STK32A: variants seen among roughly 807,000 people sequenced by gnomAD.
The protein encoded by STK32A is serine/threonine kinase 32A, also known as serine/threonine-protein kinase 32A.
Under a neutral mutation model 53.2 loss-of-function variants are expected in STK32A, and 41 were observed. That is an observed-to-expected ratio of 0.77 (90% CI 0.60 to 1.00). STK32A has a LOEUF of 1.00. Among genes scored for constraint, STK32A ranks in the 50% least tolerant of loss-of-function variants. The pLI, the probability that STK32A is intolerant of heterozygous loss-of-function variation, is 0.00. For missense variants in STK32A, 458 were observed against 485.8 expected (o/e 0.94, Z 0.54); for synonymous variants, 166 against 162.8 (o/e 1.02, Z -0.15).
intron 6 of STK32A, chr5:147,343,375 TG>T: frequency 2.4e-6 from 1 of 412,732 alleles, no homozygotes. Context: ...TTTTTTATAA[TG>T]ATACAGAAGG....
chr5:147,268,036 T>C (rs1171204838), intron 2 of STK32A, among the ~76,000 whole-genome samples: 2 of 152,192 alleles, frequency 1.3e-5, no homozygotes, highest in Non-Finnish European at 2.9e-5. Flanking sequence ...CTCCAGAGAA[T>C]CTGATTCAGA....
rs1360315268 is a variant in STK32A, at chr5:147,243,111, T to C, written c.52+3425T>C. ...CCAATATGTGATTTTTAAAAAGTTT[T>C]TTAAAATTTTTAAAAAGATTTTTTA... On this transcript the variant is annotated intron_variant, in intron 2 of 12. Coordinates refer to ENST00000397936, the MANE Select transcript of STK32A (RefSeq NM_001112724.2). Among the ~76,000 whole-genome samples, 4 of 53,088 alleles carry C rather than the reference T, an allele frequency of 7.5e-5. 2 individuals are homozygous for C. Among genetic ancestry groups the C allele is most frequent in the Non-Finnish European group, 1.7e-4 (4 of 23,272 alleles). The allele number at this position is 53,088 out of a possible 152,430, so 34.8% of individuals were successfully genotyped here.
chr5:147,237,481 T>C (rs942296800), intron 1 of STK32A, among the ~76,000 whole-genome samples: 1 of 152,164 alleles, frequency 6.6e-6, no homozygotes, highest in East Asian at 1.9e-4. Flanking sequence ...CAATAAAAAG[T>C]GCATCCCACT....
intron 2 of STK32A, among the ~76,000 whole-genome samples, chr5:147,267,129 T>G (rs1754847600): frequency 6.6e-6 from 1 of 152,166 alleles, no homozygotes; most frequent in Non-Finnish European, 1.5e-5. Context: ...TAATTATACA[T>G]TATTGAGTTC....
In STK32A at chr5:147,279,331, G is replaced by T; in HGVS notation, c.193G>T (p.Val65Leu). ...ACAAAAGTGCGTGGAGCGCAATGAA[G>T]TGAGAAATGTCTTCAAGGAACTCCA... is the stretch of plus-strand genomic sequence containing the variant. Reference protein sequence around the residue: ...NKQKCVERNEVRNVFKELQIM... With the variant: ...NKQKCVERNELRNVFKELQIM... Residue 65 changes from valine (V) to leucine (L), a missense_variant, in exon 4 of 13, where the codon GTG becomes TTG. Val to Leu is a conservative substitution (Grantham distance 32). Coordinates refer to ENST00000397936, the MANE Select transcript of STK32A (RefSeq NM_001112724.2). The T allele has an allele frequency of 6.2e-7, 1 of 1,613,562 alleles. No homozygotes were observed. The highest frequency in any genetic ancestry group is 8.5e-7 in the Non-Finnish European group (1 of 1,179,704).
In STK32A at chr5:147,360,474, A is replaced by G. The variant is rs1403101836; in HGVS notation, c.563-1043A>G. 3.5e-5 allele frequency among the ~76,000 whole-genome samples: 5 copies of G among 144,122 alleles called. No homozygotes were observed. In the East Asian group the frequency reaches 8.2e-4, roughly 24 times the overall value. The allele number at this position is 144,122 out of a possible 152,430, so 94.5% of individuals were successfully genotyped here. A position where few individuals can be genotyped will look rare whatever the true frequency, so the allele number is the denominator to read the frequency against. On this transcript the variant is annotated intron_variant, in intron 7 of 12. Transcript: ENST00000397936. The stretch of plus-strand genomic sequence containing the variant: ...TCAAAAAAAAAAAAAAAAAGAAAAA[A>G]AAAAGAAAGAAAGAAAGAAAGAAAA...
chr5:147,296,221 AAGAC>A (rs1338943196), intron 4 of STK32A, among the ~76,000 whole-genome samples: 6 of 152,352 alleles, frequency 3.9e-5, no homozygotes, highest in Non-Finnish European at 8.8e-5. Context: ...GGTAGAATGA[AAGAC>A]AGAGGCAATT....
chr5:147,321,822 G>C (rs1754335246), intron 4 of STK32A, among the ~76,000 whole-genome samples: 1 of 152,186 alleles, frequency 6.6e-6, no homozygotes, highest in Non-Finnish European at 1.5e-5. Flanking sequence ...CCCGGTCTGA[G>C]TAGGTGGTTT....
At chr5:147,263,103 C>T (rs908201251) in intron 2 of STK32A, among the ~76,000 whole-genome samples, 10 of 152,064 alleles carry the variant, frequency 6.6e-5, no homozygotes, top group African/African-American at 2.2e-4. Flanking sequence ...ATGGAGGGAT[C>T]GGGTAGATAA....
chr5:147,299,972 A>G (rs942653075), intron 4 of STK32A, among the ~76,000 whole-genome samples: 1 of 152,064 alleles, frequency 6.6e-6, no homozygotes, highest in Admixed American at 6.6e-5. Flanking sequence ...CATAGTTCAT[A>G]TAGCTCAGCC....
intron 5 of STK32A, among the ~76,000 whole-genome samples, chr5:147,335,802 TGTGCGCGCGTGCATGC>T (rs1488841001): frequency 5.3e-5 from 8 of 152,160 alleles, no homozygotes; most frequent in Admixed American, 2.0e-4. Flanking sequence ...TGTGTGTGTG[TGTGCGCGCGTGCATGC>T]GTGCGCGTGT....
At chr5:147,357,720 AT>A (rs1756315442) in intron 7 of STK32A, among the ~76,000 whole-genome samples, 1 of 151,852 alleles carries the variant, frequency 6.6e-6, no homozygotes, top group Admixed American at 6.6e-5. Flanking sequence ...TTTTATTCTG[AT>A]TATGGTTTCA....
At chr5:147,330,687 T>G (rs1311539592) in intron 5 of STK32A, among the ~76,000 whole-genome samples, 1 of 152,222 alleles carries the variant, frequency 6.6e-6, no homozygotes, top group East Asian at 1.9e-4. Flanking sequence ...GATTCTAGGA[T>G]GATTTCCTCT....
At chr5:147,393,907 G>T in the STK32A span, 2 of 918,916 alleles carry the variant, frequency 2.2e-6, no homozygotes, top group Admixed American at 2.4e-5. Context: ...GAAACATAAG[G>T]CTTGAGGCTT....
chr5:147,309,763 C>T lies in STK32A; in HGVS notation c.261-14135C>T, dbSNP rs12655737. ...TTACATGTATAATTTCATATATCTTCAACTACTAGTTCCTGTAAATAAGTA... is the reference window on the plus strand; with the variant it reads ...TTACATGTATAATTTCATATATCTTTAACTACTAGTTCCTGTAAATAAGTA... On this transcript the variant is annotated intron_variant, in intron 4 of 12. Transcript: ENST00000397936. Among the ~76,000 whole-genome samples the T allele has an allele frequency of 8.6e-3, 1,314 of 152,274 alleles. 127 individuals are homozygous for T. In the East Asian group the frequency reaches 0.21, roughly 25 times the overall value.
chr5:147,342,113 C>T (rs967772567), intron 5 of STK32A, among the ~76,000 whole-genome samples: 1 of 152,192 alleles, frequency 6.6e-6, no homozygotes, highest in Non-Finnish European at 1.5e-5. Context: ...AGCCTAAATT[C>T]ATAGACTCCA....
intron 2 of STK32A, among the ~76,000 whole-genome samples, chr5:147,260,951 C>T (rs1480554663): frequency 1.3e-5 from 2 of 152,202 alleles, no homozygotes; most frequent in Admixed American, 6.5e-5. Context: ...TACCGGCTGC[C>T]GCGGCTTCTC....
rs1350026849 is a variant in STK32A, at chr5:147,260,287, TCTC to T, written c.53-17836_53-17834del. On this transcript the variant is annotated intron_variant, in intron 2 of 12. Transcript: ENST00000397936. Reference sequence around the variant, plus strand: ...TCCCTCTCCCCTCTCTGTCTCTCTCTCTCGCCTGTCTCTCTCTCTCTCTCTCTC... The same window carrying T: ...TCCCTCTCCCCTCTCTGTCTCTCTCTGCCTGTCTCTCTCTCTCTCTCTCTC... Among the ~76,000 whole-genome samples, 127 of 102,854 alleles carry T rather than the reference TCTC, an allele frequency of 1.2e-3. 4 individuals are homozygous for T. Among genetic ancestry groups the T allele is most frequent in the African/African-American group, 4.5e-3 (115 of 25,494 alleles). 67.5% of individuals were successfully genotyped at this position (102,854 alleles called of 152,430 possible).
chr5:147,313,351 G>C (rs1753799534), intron 4 of STK32A, among the ~76,000 whole-genome samples: 1 of 152,122 alleles, frequency 6.6e-6, no homozygotes, highest in Admixed American at 6.5e-5. Flanking sequence ...TCATCAAGTG[G>C]GGACAGGTTG....
Sources: allele counts gnomAD v4.1 joint callset (sites outside exome capture counted in the v4.1 genomes callset), GRCh38; gene constraint gnomAD v4.1.1; transcripts MANE v1.5; gene names NCBI Gene and HGNC (gene_info 2026-07-23, HGNC 2026-07-21).